The following OCA2 variants were observed in gnomAD, a reference collection of about 807,000 sequenced individuals.
OCA2 encodes the protein P protein.
Under a neutral mutation model 100.2 loss-of-function variants are expected in OCA2, and 77 were observed. The observed-to-expected ratio is 0.77, with a 90% CI of 0.64 to 0.93. OCA2 has a LOEUF of 0.93. OCA2 is among the 40% of genes least tolerant of loss of function. The pLI, the probability that OCA2 is intolerant of heterozygous loss-of-function variation, is 0.00. For synonymous variants in OCA2, 432 were observed against 439.2 expected (o/e 0.98, Z 0.21); for missense variants, 1,062 against 1,089.1 (o/e 0.98, Z 0.35).
At chr15:27,838,547 C>T (rs562898187) in intron 23 of OCA2, among the ~76,000 whole-genome samples, 175 of 152,172 alleles carry the variant, frequency 1.2e-3, no homozygotes, top group Non-Finnish European at 2.1e-3. Context: ...AGATACAATG[C>T]TACATGTTAG....
At chr15:27,863,593 G>A (rs2036216173) in intron 21 of OCA2, among the ~76,000 whole-genome samples, 1 of 152,130 alleles carries the variant, frequency 6.6e-6, no homozygotes, top group Non-Finnish European at 1.5e-5. Flanking sequence ...GAGGGTAAAG[G>A]GCTGTGCTTT....
At chr15:28,052,010 G>T (rs1283920799) in intron 2 of OCA2, among the ~76,000 whole-genome samples, 1 of 152,110 alleles carries the variant, frequency 6.6e-6, no homozygotes, top group Non-Finnish European at 1.5e-5. Context: ...CCTATCAGAG[G>T]CTGGGCCTGG....
intron 14 of OCA2, among the ~76,000 whole-genome samples, chr15:27,972,855 TTTATTTTATTTTATTTTATTTTA>T (rs1419592391): frequency 2.9e-5 from 4 of 137,470 alleles, no homozygotes; most frequent in Admixed American, 7.2e-5. Flanking sequence ...TTTATTTTAT[TTTATTTTATTTTATTTTATTTTA>T]TTTTTGTGAC....
At chr15:27,960,612 C>CTATCTATG (rs1192042322) in intron 15 of OCA2, among the ~76,000 whole-genome samples, 4 of 152,054 alleles carry the variant, frequency 2.6e-5, no homozygotes, top group Non-Finnish European at 5.9e-5. Context: ...ATCTATCTAT[C>CTATCTATG]TATCTATGTA....
At chr15:27,835,894 T>A (rs1369795430) in intron 23 of OCA2, among the ~76,000 whole-genome samples, 1 of 152,190 alleles carries the variant, frequency 6.6e-6, no homozygotes, top group Non-Finnish European at 1.5e-5. Flanking sequence ...CTGAAAAGTA[T>A]ACAGTGGAGG....
chr15:27,827,899 A>G (rs1233817441), intron 23 of OCA2, among the ~76,000 whole-genome samples: 4 of 152,200 alleles, frequency 2.6e-5, no homozygotes, highest in Non-Finnish European at 5.9e-5. Flanking sequence ...ATCTCTTTAT[A>G]TATAGAAACG....
At chr15:27,864,787 T>G (rs1452646625) in intron 21 of OCA2, among the ~76,000 whole-genome samples, 1 of 152,062 alleles carries the variant, frequency 6.6e-6, no homozygotes, top group African/African-American at 2.4e-5. Flanking sequence ...TTCAAGCACA[T>G]GAGGTTGAAA....
intron 23 of OCA2, among the ~76,000 whole-genome samples, chr15:27,794,154 A>G (rs1331456480): frequency 6.6e-6 from 1 of 152,232 alleles, no homozygotes; most frequent in Non-Finnish European, 1.5e-5. Context: ...GCACCTCTGC[A>G]TCAGGAACCC....
chr15:27,846,175 C>T, intron 22 of OCA2, among the ~76,000 whole-genome samples: 1 of 152,070 alleles, frequency 6.6e-6, no homozygotes, highest in East Asian at 1.9e-4. Flanking sequence ...CCCAGACAGC[C>T]CCCTCTGGGC....
chr15:28,055,777 G>A (rs2043674290), intron 2 of OCA2, among the ~76,000 whole-genome samples: 1 of 152,172 alleles, frequency 6.6e-6, no homozygotes, highest in South Asian at 2.1e-4. Context: ...CATCTCCCCG[G>A]CCTATGTCCC....
chr15:27,979,853 C>T (rs2041090246), intron 14 of OCA2, among the ~76,000 whole-genome samples: 1 of 149,408 alleles, frequency 6.7e-6, no homozygotes, highest in South Asian at 2.2e-4. Flanking sequence ...GCACGTGCCA[C>T]CATGCCCAGC....
intron 19 of OCA2, among the ~76,000 whole-genome samples, chr15:27,884,478 T>C (rs563679871): frequency 1.3e-5 from 2 of 152,366 alleles, no homozygotes; most frequent in South Asian, 2.1e-4. Context: ...TGATTCTGTT[T>C]GCAAGGCAGC....
the OCA2 span, among the ~76,000 whole-genome samples, chr15:27,747,313 AAGTC>A: frequency 2.0e-5 from 3 of 152,204 alleles, no homozygotes; most frequent in African/African-American, 7.2e-5. Context: ...GAAAATGTAA[AAGTC>A]AGAAATGTGA....
Position 27,990,662 on chromosome 15 carries a change from A to C in OCA2, c.1045-15T>G, listed in dbSNP as rs779461179. 36 of 1,612,676 alleles carry C rather than the reference A, an allele frequency of 2.2e-5. No homozygotes were observed. In the South Asian group the frequency reaches 4.0e-4, roughly 18 times the overall value. ...CTGTGCACGATCTGGAAAGAAGCAC[A>C]GGAAATTACCGCGTTCCAGTGCACG... On this transcript the variant is annotated splice_polypyrimidine_tract_variant and intron_variant, in intron 9 of 23. Coordinates refer to ENST00000354638, the MANE Select transcript of OCA2 (RefSeq NM_000275.3).
chr15:27,813,032 T>A (rs1177448146), intron 23 of OCA2, among the ~76,000 whole-genome samples: 1 of 151,926 alleles, frequency 6.6e-6, no homozygotes, highest in Non-Finnish European at 1.5e-5. Flanking sequence ...CGCACTCACA[T>A]AGAGAGGGCA....
At chr15:27,837,245 T>C (rs965438821) in intron 23 of OCA2, among the ~76,000 whole-genome samples, 3 of 152,230 alleles carry the variant, frequency 2.0e-5, no homozygotes, top group South Asian at 2.1e-4. Context: ...ATAAGATTCC[T>C]TGGGCATGGC....
At chr15:28,016,032 T>C (rs2042379978) in intron 8 of OCA2, 72 bp downstream of exon 8, 1 of 1,197,052 alleles carries the variant, frequency 8.4e-7, no homozygotes, top group Admixed American at 1.7e-5. Flanking sequence ...ATCAGTGTCC[T>C]ATAGGTCAGA....
At chr15:28,011,611 G>T (rs921786084) in intron 9 of OCA2, among the ~76,000 whole-genome samples, 1 of 151,760 alleles carries the variant, frequency 6.6e-6, no homozygotes, top group African/African-American at 2.4e-5. Flanking sequence ...CACCCAAACC[G>T]CAATCTATAA....
chr15:27,872,007 A>T (rs2036598610), intron 19 of OCA2, 85 bp from the exon 20 acceptor site: 1 of 999,468 alleles, frequency 1.0e-6, no homozygotes, highest in Admixed American at 1.7e-5. Context: ...AAATGAAAAG[A>T]CGTGAACATA....
Sources: gnomAD v4.1 joint callset for allele counts (sites outside exome capture counted in the v4.1 genomes callset) on GRCh38, gnomAD v4.1.1 for gene constraint, MANE v1.5 for transcripts, NCBI Gene and HGNC (gene_info 2026-07-23, HGNC 2026-07-21) for gene names.